Variants in EEFSEC observed in about 807,000 individuals in gnomAD.
The protein encoded by EEFSEC is selenocysteine-specific elongation factor.
Under a neutral mutation model 42.1 loss-of-function variants are expected in EEFSEC, and 43 were observed. That is an observed-to-expected ratio of 1.02 (90% confidence interval 0.80 to 1.32). The LOEUF (loss-of-function observed/expected upper bound fraction) is 1.32, where lower values mean the gene tolerates loss of function less well. Among genes scored for constraint, EEFSEC ranks in the 40% most tolerant of loss-of-function variants. EEFSEC has a pLI of 0.00. For missense variants in EEFSEC, 745 were observed against 803.6 expected, an observed-to-expected ratio of 0.93 and a Z score of 0.88; for synonymous variants, 354 against 339.1, an observed-to-expected ratio of 1.04 and a Z score of -0.48.
chr3:128,280,439 G>A (rs1400028020), intron 4 of EEFSEC, among the ~76,000 whole-genome samples: 1 of 152,218 alleles, frequency 6.6e-6, no homozygotes, highest in East Asian at 1.9e-4. Context: ...CCCTCACTCG[G>A]CTTTGGCCTG....
At chr3:128,184,402 A>G (rs1284300139) in intron 1 of EEFSEC, among the ~76,000 whole-genome samples, 1 of 152,154 alleles carries the variant, frequency 6.6e-6, no homozygotes, top group African/African-American at 2.4e-5. Context: ...GACTTGGACT[A>G]CTAAGTGGAA....
chr3:128,287,179 AT>A (rs1373300085), intron 4 of EEFSEC, among the ~76,000 whole-genome samples: 1 of 152,220 alleles, frequency 6.6e-6, no homozygotes, highest in Non-Finnish European at 1.5e-5. Flanking sequence ...CTGAGGGCCA[AT>A]TTGGCAAATA....
chr3:128,369,027 C>T (rs1194759613), intron 6 of EEFSEC, among the ~76,000 whole-genome samples: 2 of 152,254 alleles, frequency 1.3e-5, no homozygotes, highest in Non-Finnish European at 2.9e-5. Context: ...TCTGTGTTGG[C>T]ACCAGGTCCT....
intron 6 of EEFSEC, among the ~76,000 whole-genome samples, chr3:128,361,519 A>G (rs2067525335): frequency 6.6e-6 from 1 of 152,228 alleles, no homozygotes; most frequent in Non-Finnish European, 1.5e-5. Context: ...CTTGGCCCTC[A>G]GGTTCACGAG....
the EEFSEC span, among the ~76,000 whole-genome samples, chr3:128,414,801 ACAGTTTGC>A: frequency 6.6e-6 from 1 of 152,226 alleles, no homozygotes; most frequent in African/African-American, 2.4e-5. Flanking sequence ...GGAGCATGAC[ACAGTTTGC>A]CAGGAGGGAG....
At chr3:128,299,528 C>T (rs1225462529) in intron 4 of EEFSEC, among the ~76,000 whole-genome samples, 1 of 152,172 alleles carries the variant, frequency 6.6e-6, no homozygotes, top group Non-Finnish European at 1.5e-5. Flanking sequence ...CTAGTCACCA[C>T]TGTTTTCTGG....
chr3:128,370,631 C>G (rs2067642629), intron 6 of EEFSEC, among the ~76,000 whole-genome samples: 1 of 152,228 alleles, frequency 6.6e-6, no homozygotes, highest in Non-Finnish European at 1.5e-5. Context: ...TTCTCCCTCT[C>G]CCCGACCACC....
At chr3:128,316,562 C>T (rs1324665768) in intron 4 of EEFSEC, among the ~76,000 whole-genome samples, 1 of 152,208 alleles carries the variant, frequency 6.6e-6, no homozygotes, top group Non-Finnish European at 1.5e-5. Flanking sequence ...TGCACAGCAT[C>T]TCAGCATGTG....
intron 6 of EEFSEC, among the ~76,000 whole-genome samples, chr3:128,371,940 A>T (rs1311576130): frequency 6.6e-6 from 1 of 152,142 alleles, no homozygotes; most frequent in Non-Finnish European, 1.5e-5. Flanking sequence ...CCTTGAGAGG[A>T]GGGAGGCTCT....
chr3:128,347,208 A>G (rs577204581), intron 5 of EEFSEC, among the ~76,000 whole-genome samples: 31 of 152,268 alleles, frequency 2.0e-4, no homozygotes, highest in Admixed American at 1.7e-3. Context: ...ATTTTTTCAC[A>G]TAAGTCCACG....
Position 128,405,306 on chromosome 3 carries a change from G to A in EEFSEC, c.1601-2763G>A, listed in dbSNP as rs114530254. ...GCTAGGATTCCAGGCATGAGCCCTTGTCACCTTTTTAAACATCTAGAGCTG... is the reference window on the plus strand; with the variant it reads ...GCTAGGATTCCAGGCATGAGCCCTTATCACCTTTTTAAACATCTAGAGCTG... On this transcript the variant is annotated intron_variant, in intron 6 of 6. Coordinates refer to ENST00000254730, the MANE Select transcript of EEFSEC (RefSeq NM_021937.5). Among the ~76,000 whole-genome samples the A allele has an allele frequency of 3.4e-3, 515 of 152,268 alleles. 3 individuals are homozygous for A. The highest frequency in any genetic ancestry group is 0.012 in the African/African-American group (482 of 41,552).
chr3:128,178,848 T>C (rs1160931253), intron 1 of EEFSEC, among the ~76,000 whole-genome samples: 2 of 152,262 alleles, frequency 1.3e-5, no homozygotes, highest in Non-Finnish European at 2.9e-5. Context: ...TGTTATTTTA[T>C]TGTAACAGTT....
chr3:128,290,469 A>T (rs962173144), intron 4 of EEFSEC, among the ~76,000 whole-genome samples: 1 of 151,848 alleles, frequency 6.6e-6, no homozygotes, highest in African/African-American at 2.4e-5. Context: ...TGATTGCTGT[A>T]GTTTTATAAT....
intron 1 of EEFSEC, among the ~76,000 whole-genome samples, chr3:128,194,714 G>A (rs1048003665): frequency 6.6e-6 from 1 of 152,130 alleles, no homozygotes; most frequent in African/African-American, 2.4e-5. Context: ...ATTTAAAAAT[G>A]TGAAAAGTCA....
chr3:128,351,674 C>T (rs1380185753), intron 5 of EEFSEC, among the ~76,000 whole-genome samples: 1 of 152,216 alleles, frequency 6.6e-6, no homozygotes, highest in African/African-American at 2.4e-5. Flanking sequence ...GACACACACA[C>T]GTGTAATGAC....
At chr3:128,357,049 A>T (rs1000372310) in intron 5 of EEFSEC, among the ~76,000 whole-genome samples, 3 of 152,204 alleles carry the variant, frequency 2.0e-5, no homozygotes, top group African/African-American at 7.2e-5. Context: ...GATGGTCCAG[A>T]TGGTGTGTGC....
intron 2 of EEFSEC, among the ~76,000 whole-genome samples, 158 bp from the exon 3 acceptor site, chr3:128,261,970 A>G (rs944958906): frequency 6.6e-6 from 1 of 152,106 alleles, no homozygotes; most frequent in African/African-American, 2.4e-5. Flanking sequence ...ATCATGTGCC[A>G]TGTGCTAGTA....
In EEFSEC at chr3:128,314,429, C is replaced by T. The variant is rs1227783308; in HGVS notation, c.787-26804C>T. 3.3e-5 allele frequency among the ~76,000 whole-genome samples: 5 copies of T among 152,084 alleles called. No homozygotes were observed. In the East Asian group the frequency reaches 9.6e-4, roughly 29 times the overall value. ...TGGAATCTCTGCTCACTGCAACCTCCGCCTCCCAGGTTCAAGCTATTCTTG... is the reference window on the plus strand; with the variant it reads ...TGGAATCTCTGCTCACTGCAACCTCTGCCTCCCAGGTTCAAGCTATTCTTG... On this transcript the variant is annotated intron_variant, in intron 4 of 6. Coordinates refer to ENST00000254730, the MANE Select transcript of EEFSEC (RefSeq NM_021937.5).
intron 2 of EEFSEC, among the ~76,000 whole-genome samples, chr3:128,261,683 T>C (rs2066298689): frequency 6.6e-6 from 1 of 152,112 alleles, no homozygotes; most frequent in Non-Finnish European, 1.5e-5. Context: ...AAGAATGCTC[T>C]GCATTAGAAA....
Sources: allele counts gnomAD v4.1 joint callset (sites outside exome capture counted in the v4.1 genomes callset), GRCh38; gene constraint gnomAD v4.1.1; transcripts MANE v1.5; gene names NCBI Gene and HGNC (gene_info 2026-07-23, HGNC 2026-07-21).